Variants in RTL4 observed in about 807,000 individuals in gnomAD.
RTL4 encodes retrotransposon Gag-like protein 4.
RTL4 carries 4 observed loss-of-function variants against 5.3 expected under a neutral mutation model. That is an observed-to-expected ratio of 0.75 (90% CI 0.37 to 1.72). RTL4 has a LOEUF of 1.72. RTL4 is among the 40% of genes most tolerant of loss of function. The pLI is 0.04. For synonymous variants in RTL4, 98 were observed against 87.3 expected, an observed-to-expected ratio of 1.12 and a Z score of -0.68; for missense variants, 260 against 227.1, an observed-to-expected ratio of 1.14 and a Z score of -0.93.
At chrX:112,145,165 C>A in the RTL4 span, among the ~76,000 whole-genome samples, 1 of 111,770 alleles carries the variant, frequency 8.9e-6, no homozygotes, top group Non-Finnish European at 1.9e-5. Context: ...GCAAATGACA[C>A]TAGTTGGAAT....
At chrX:112,436,666 G>T in the RTL4 span, among the ~76,000 whole-genome samples, 1 of 110,491 alleles carries the variant, frequency 9.1e-6, no homozygotes, top group Non-Finnish European at 1.9e-5. Flanking sequence ...ATGAGAGAAG[G>T]ACATTTTTTT....
chrX:112,247,727 A>G, the RTL4 span, among the ~76,000 whole-genome samples: 1 of 112,420 alleles, frequency 8.9e-6, no homozygotes, highest in Admixed American at 9.4e-5. Context: ...CCACTATGCC[A>G]TGCCACTTCA....
chrX:112,110,852 C>T, the RTL4 span, among the ~76,000 whole-genome samples: 24 of 111,768 alleles, frequency 2.1e-4, no homozygotes, highest in East Asian at 2.3e-3. Context: ...AACCATCTAT[C>T]GTTCTGTCCT....
chrX:112,241,329 T>A, the RTL4 span, among the ~76,000 whole-genome samples: 1 of 111,603 alleles, frequency 9.0e-6, no homozygotes, highest in East Asian at 2.8e-4. Flanking sequence ...AGTGTTCCTA[T>A]TTCTCCACAT....
At chrX:112,315,897 G>A in the RTL4 span, among the ~76,000 whole-genome samples, 1 of 111,878 alleles carries the variant, frequency 8.9e-6, no homozygotes, top group South Asian at 3.7e-4. Context: ...GATGCAGAGA[G>A]TATCTTTGTA....
the RTL4 span, among the ~76,000 whole-genome samples, chrX:112,329,186 CA>C: frequency 9.1e-6 from 1 of 110,440 alleles, no homozygotes; most frequent in Non-Finnish European, 1.9e-5. Context: ...GATAGAGACA[CA>C]AAAAAACCTT....
At chrX:112,109,381 G>A in the RTL4 span, among the ~76,000 whole-genome samples, 2 of 111,705 alleles carry the variant, frequency 1.8e-5, no homozygotes, top group Non-Finnish European at 3.8e-5. Context: ...AAGAGGGAAA[G>A]AACAAAGCTT....
At chrX:112,175,173 G>A in the RTL4 span, among the ~76,000 whole-genome samples, 1 of 105,958 alleles carries the variant, frequency 9.4e-6, no homozygotes, top group Non-Finnish European at 1.9e-5. Flanking sequence ...GTCCTGAATG[G>A]CAATGCCTAG....
chrX:112,212,112 C>G, the RTL4 span, among the ~76,000 whole-genome samples: 1 of 112,583 alleles, frequency 8.9e-6, no homozygotes. Context: ...CGCGGTGGCT[C>G]ACGCCTGTAA....
the RTL4 span, among the ~76,000 whole-genome samples, chrX:112,393,147 C>CTTTTTTTTTTTTTTTTTT: frequency 6.1e-5 from 5 of 81,470 alleles, no homozygotes; most frequent in Non-Finnish European, 6.9e-5. Context: ...TTCTTTCTTT[C>CTTTTTTTTTTTTTTTTTT]TTTTTTTTTT....
the RTL4 span, among the ~76,000 whole-genome samples, chrX:112,203,528 A>C: frequency 1.8e-5 from 2 of 110,160 alleles, no homozygotes; most frequent in Non-Finnish European, 1.9e-5. Flanking sequence ...CTTTGATTGA[A>C]TTTTCTTCCT....
At chrX:112,280,926 A>G in the RTL4 span, among the ~76,000 whole-genome samples, 1,025 of 111,712 alleles carry the variant, frequency 9.2e-3, 12 homozygotes, top group African/African-American at 0.032. Flanking sequence ...GTTTTGAACT[A>G]TGTGTGCATT....
chrX:112,457,299 T>A (rs191048764), downstream of RTL4, among the ~76,000 whole-genome samples: 100 of 112,294 alleles, frequency 8.9e-4, no homozygotes, highest in African/African-American at 3.1e-3. Flanking sequence ...TGGTTTCTTT[T>A]AACAACGGCT....
At chrX:112,374,511 G>A in the RTL4 span, among the ~76,000 whole-genome samples, 4 of 111,462 alleles carry the variant, frequency 3.6e-5, no homozygotes, top group South Asian at 3.7e-4. Flanking sequence ...TTAGAATTAG[G>A]TTATCATTTT....
the RTL4 span, among the ~76,000 whole-genome samples, chrX:112,264,614 A>G: frequency 2.7e-5 from 3 of 112,110 alleles, no homozygotes; most frequent in African/African-American, 9.7e-5. Context: ...TACGTATAAC[A>G]TATAAACTTC....
chrX:112,357,249 A>G, the RTL4 span, among the ~76,000 whole-genome samples: 1 of 110,660 alleles, frequency 9.0e-6, no homozygotes, highest in Non-Finnish European at 1.9e-5. Flanking sequence ...TCACCAAAAA[A>G]AAAAAGAGCT....
At chrX:112,312,489 C>CT in the RTL4 span, among the ~76,000 whole-genome samples, 2 of 111,447 alleles carry the variant, frequency 1.8e-5, no homozygotes, top group Admixed American at 1.9e-4. Context: ...CAGTTAAAGA[C>CT]TGTGTTCATT....
the RTL4 span, among the ~76,000 whole-genome samples, chrX:112,133,526 C>T: frequency 2.7e-5 from 3 of 111,535 alleles, no homozygotes; most frequent in African/African-American, 9.8e-5. Context: ...ACCACTGACA[C>T]ACCCATGAAG....
chrX:112,162,289 G>C, the RTL4 span, among the ~76,000 whole-genome samples: 8,856 of 111,443 alleles, frequency 0.079, 807 homozygotes, highest in African/African-American at 0.26. Context: ...AAATGGCTCT[G>C]TAAGGACTCA....
Sources: gnomAD v4.1 joint callset for allele counts (sites outside exome capture counted in the v4.1 genomes callset) on GRCh38, gnomAD v4.1.1 for gene constraint, MANE v1.5 for transcripts, NCBI Gene and HGNC (gene_info 2026-07-23, HGNC 2026-07-21) for gene names.